Variants in PTPRT observed in about 807,000 individuals in gnomAD.
PTPRT encodes the protein receptor-type tyrosine-protein phosphatase T.
In PTPRT, 56 loss-of-function variants were observed where a neutral mutation model predicts 176.8. That is an observed-to-expected ratio of 0.32 (90% CI 0.26 to 0.40). PTPRT has a LOEUF of 0.40. Ranked by LOEUF, PTPRT falls within the 10% of genes least tolerant of loss-of-function variation. The probability of loss-of-function intolerance (pLI) is 1.00; values close to 1 mark genes in which losing one functional copy is unlikely to be tolerated. For missense variants in PTPRT, 1,540 were observed against 1,908.2 expected (o/e 0.81, Z 3.60); for synonymous variants, 783 against 739.0 (o/e 1.06, Z -0.96).
chr20:42,713,701 G>A (rs1306694895), intron 6 of PTPRT, among the ~76,000 whole-genome samples: 1 of 152,184 alleles, frequency 6.6e-6, no homozygotes, highest in Non-Finnish European at 1.5e-5. Context: ...GATGTAGTGG[G>A]AGGTGACTGG....
chr20:42,434,007 G>A (rs1387237104), intron 9 of PTPRT, among the ~76,000 whole-genome samples: 1 of 152,094 alleles, frequency 6.6e-6, no homozygotes, highest in Non-Finnish European at 1.5e-5. Flanking sequence ...TTCAGGGAAT[G>A]GAGAGCCATT....
intron 1 of PTPRT, among the ~76,000 whole-genome samples, chr20:43,178,284 A>C (rs2015166932): frequency 6.6e-6 from 1 of 152,198 alleles, no homozygotes; most frequent in African/African-American, 2.4e-5. Context: ...GCTGAGACAC[A>C]GGGAGGAAGC....
At chr20:42,064,901 G>T in the PTPRT span, among the ~76,000 whole-genome samples, 1 of 152,194 alleles carries the variant, frequency 6.6e-6, no homozygotes, top group Non-Finnish European at 1.5e-5. Context: ...GGTGGGAAAA[G>T]GTTACTTAGG....
At chr20:43,135,555 C>CA (rs2013804292) in intron 1 of PTPRT, among the ~76,000 whole-genome samples, 1 of 152,114 alleles carries the variant, frequency 6.6e-6, no homozygotes, top group Non-Finnish European at 1.5e-5. Flanking sequence ...CAAAGCTCTC[C>CA]ATGTGAACAT....
intron 9 of PTPRT, among the ~76,000 whole-genome samples, chr20:42,365,714 A>T (rs1020635647): frequency 2.0e-5 from 3 of 152,180 alleles, no homozygotes; most frequent in African/African-American, 7.2e-5. Flanking sequence ...AAAGTTTATA[A>T]ATTTTTGTTG....
At chr20:42,469,043 A>G (rs1328605790) in intron 8 of PTPRT, among the ~76,000 whole-genome samples, 1 of 151,526 alleles carries the variant, frequency 6.6e-6, no homozygotes, top group African/African-American at 2.4e-5. Context: ...AAGTTTCTCA[A>G]CTGCCGGGGA....
chr20:42,383,326 G>A (rs2058713801), intron 9 of PTPRT, among the ~76,000 whole-genome samples: 1 of 152,016 alleles, frequency 6.6e-6, no homozygotes, highest in African/African-American at 2.4e-5. Context: ...ACTGGATGCT[G>A]TGATCCATGG....
At chr20:43,162,913 C>T (rs566168363) in intron 1 of PTPRT, among the ~76,000 whole-genome samples, 1 of 152,370 alleles carries the variant, frequency 6.6e-6, no homozygotes, top group Non-Finnish European at 1.5e-5. Context: ...CACCTACCAT[C>T]TCCGTATGGT....
At chr20:42,503,308 G>C (rs998092061) in intron 7 of PTPRT, among the ~76,000 whole-genome samples, 2 of 151,924 alleles carry the variant, frequency 1.3e-5, no homozygotes, top group Non-Finnish European at 2.9e-5. Flanking sequence ...CTGTAAGCAT[G>C]TTAAAGCTAG....
rs147038649 is a variant in PTPRT, at chr20:43,019,349, A to G, written c.89-133417T>C. Among the ~76,000 whole-genome samples the G allele has an allele frequency of 8.8e-3, 1,343 of 152,248 alleles. 8 individuals carry two copies. Among genetic ancestry groups the G allele is most frequent in the Non-Finnish European group, 0.012 (808 of 68,006 alleles). On this transcript the variant is annotated intron_variant, in intron 1 of 30. Transcript: ENST00000373187. ...GAATAATTGGGCTGTGGCCGGGCAC[A>G]GTGGCTCACACCAGTAATCCCAGCA...
chr20:43,029,898 G>A (rs553272860), intron 1 of PTPRT, among the ~76,000 whole-genome samples: 9 of 152,282 alleles, frequency 5.9e-5, no homozygotes, highest in African/African-American at 1.9e-4. Flanking sequence ...ACCTATTTCC[G>A]AGATAGAGGC....
intron 12 of PTPRT, among the ~76,000 whole-genome samples, chr20:42,294,626 A>C (rs920739260): frequency 3.3e-5 from 5 of 152,028 alleles, no homozygotes; most frequent in Admixed American, 6.6e-5. Flanking sequence ...TAATAAAGCT[A>C]CTAGATGAAG....
At chr20:42,736,552 C>CTTGGCA (rs2076542945) in intron 6 of PTPRT, among the ~76,000 whole-genome samples, 1 of 152,210 alleles carries the variant, frequency 6.6e-6, no homozygotes, top group Admixed American at 6.5e-5. Context: ...ACCTAATGAA[C>CTTGGCA]TTGGCATGTT....
At chr20:42,497,986 CT>C (rs927834920) in intron 7 of PTPRT, among the ~76,000 whole-genome samples, 3 of 152,122 alleles carry the variant, frequency 2.0e-5, no homozygotes, top group African/African-American at 7.2e-5. Context: ...AGAATTTAAC[CT>C]TTCTTTTGTA....
intron 2 of PTPRT, among the ~76,000 whole-genome samples, chr20:42,799,262 G>A (rs952904351): frequency 6.6e-6 from 1 of 152,046 alleles, no homozygotes; most frequent in African/African-American, 2.4e-5. Context: ...TGAGCAGGGG[G>A]AGAGAAGAGG....
the PTPRT span, among the ~76,000 whole-genome samples, chr20:42,046,122 G>A: frequency 1.3e-5 from 2 of 152,204 alleles, no homozygotes; most frequent in Non-Finnish European, 2.9e-5. Flanking sequence ...TATAGTTGCT[G>A]GACTGGCCTT....
At chr20:42,628,344 A>G (rs552433988) in intron 7 of PTPRT, among the ~76,000 whole-genome samples, 3 of 152,152 alleles carry the variant, frequency 2.0e-5, no homozygotes, top group African/African-American at 7.2e-5. Context: ...GCTCACCTGT[A>G]TAGCGCTATT....
intron 17 of PTPRT, among the ~76,000 whole-genome samples, chr20:42,146,827 G>A (rs1600587870): frequency 6.6e-6 from 1 of 152,170 alleles, no homozygotes; most frequent in African/African-American, 2.4e-5. Context: ...TGCCCCTGCA[G>A]CATCACTTCT....
chr20:42,239,413 C>CTTTTTTT (rs35978863), intron 14 of PTPRT, among the ~76,000 whole-genome samples: 8 of 81,204 alleles, frequency 9.9e-5, no homozygotes, highest in Admixed American at 1.7e-4. Context: ...CATTTTCTTT[C>CTTTTTTT]TTTTTTTTTT....
Sources: gnomAD v4.1 joint callset for allele counts (sites outside exome capture counted in the v4.1 genomes callset) on GRCh38, gnomAD v4.1.1 for gene constraint, MANE v1.5 for transcripts, NCBI Gene and HGNC (gene_info 2026-07-23, HGNC 2026-07-21) for gene names.